Variants in LRP1B observed in about 807,000 individuals in gnomAD.
LRP1B encodes the protein LDL receptor related protein 1B.
LRP1B carries 217 observed loss-of-function variants against 556.6 expected under a neutral mutation model. That is an observed-to-expected ratio of 0.39 (90% CI 0.35 to 0.44). The LOEUF (loss-of-function observed/expected upper bound fraction) is 0.44. Among genes scored for constraint, LRP1B ranks in the 20% least tolerant of loss-of-function variants. LRP1B has a pLI of 1.00. For missense variants in LRP1B, 5,053 were observed against 5,620.8 expected (o/e 0.90, Z 3.23); for synonymous variants, 2,047 against 1,865.8 (o/e 1.10, Z -2.50).
chr2:141,575,541 G>T lies in LRP1B; in HGVS notation c.206-95008C>A, dbSNP rs547580258. 2.6e-5 allele frequency among the ~76,000 whole-genome samples: 4 copies of T among 152,210 alleles called. No individual in the cohort carries two copies. In the South Asian group the frequency reaches 8.3e-4, roughly 32 times the overall value. On this transcript the variant is annotated intron_variant, in intron 2 of 90. Transcript: ENST00000389484. ...AATATCATTCAGGACACAGGCATGGGCAAAGACTTCATGACAAAAATGCCA... is the reference window on the plus strand; with the variant it reads ...AATATCATTCAGGACACAGGCATGGTCAAAGACTTCATGACAAAAATGCCA...
intron 1 of LRP1B, among the ~76,000 whole-genome samples, chr2:142,079,346 C>G (rs13000270): frequency 0.49 from 74,883 of 151,782 alleles, 18,849 homozygotes; most frequent in East Asian, 0.69. Flanking sequence ...TATCTAAATA[C>G]TTAAATATAT....
At chr2:141,627,793 C>T (rs989820927) in intron 2 of LRP1B, among the ~76,000 whole-genome samples, 5 of 151,988 alleles carry the variant, frequency 3.3e-5, no homozygotes, top group East Asian at 3.9e-4. Flanking sequence ...TGGATAATTA[C>T]GCGATACCAA....
intron 22 of LRP1B, among the ~76,000 whole-genome samples, chr2:140,907,461 A>G (rs1022183505): frequency 7.9e-5 from 12 of 152,076 alleles, no homozygotes; most frequent in Admixed American, 2.0e-4. Context: ...CCTTCCTAAA[A>G]ATCAGTTTCT....
intron 1 of LRP1B, among the ~76,000 whole-genome samples, chr2:141,963,771 G>A (rs1050696568): frequency 2.0e-5 from 3 of 146,970 alleles, no homozygotes; most frequent in Non-Finnish European, 3.0e-5. Flanking sequence ...AGGAAATAAA[G>A]GGTATTCAGT....
intron 1 of LRP1B, among the ~76,000 whole-genome samples, chr2:141,902,212 T>G (rs1448611252): frequency 1.3e-5 from 2 of 151,646 alleles, no homozygotes; most frequent in African/African-American, 4.8e-5. Context: ...TAGCATTAGT[T>G]TCTTTCTTCC....
At position 140,535,445 on chromosome 2, in the gene LRP1B, TGGTG is replaced by T. The variant is rs1254753531; in HGVS notation, c.7642+1132_7642+1135del. ...TACATTAGACTCTCATTTTAAACGATGGTGTGTTGTCTTGTAACGTAAAAGAGTG... is the reference window on the plus strand; with the variant it reads ...TACATTAGACTCTCATTTTAAACGATTGTTGTCTTGTAACGTAAAAGAGTG... On this transcript the variant is annotated intron_variant, in intron 46 of 90. Transcript: ENST00000389484. 3.7e-4 allele frequency among the ~76,000 whole-genome samples: 56 copies of T among 152,268 alleles called. No homozygotes were observed. The South Asian group carries it at 0.011, about 30-fold the overall frequency.
intron 47 of LRP1B, among the ~76,000 whole-genome samples, chr2:140,532,416 G>A (rs573394975): frequency 2.0e-5 from 3 of 151,634 alleles, no homozygotes; most frequent in Admixed American, 6.6e-5. Context: ...GGGGGTGGGG[G>A]GTATGGAGTC....
chr2:141,208,981 T>G (rs1682421209), intron 6 of LRP1B, among the ~76,000 whole-genome samples: 1 of 133,374 alleles, frequency 7.5e-6, no homozygotes, highest in Non-Finnish European at 1.6e-5. Context: ...ATTATCAAAA[T>G]AGCACAAAAC....
intron 2 of LRP1B, among the ~76,000 whole-genome samples, chr2:141,487,528 G>A (rs1363581293): frequency 6.6e-6 from 1 of 152,046 alleles, no homozygotes; most frequent in African/African-American, 2.4e-5. Flanking sequence ...GTTCTCAATT[G>A]CTGGTCACAA....
chr2:141,798,858 G>C (rs1408957556), intron 2 of LRP1B, among the ~76,000 whole-genome samples: 1 of 152,020 alleles, frequency 6.6e-6, no homozygotes, highest in African/African-American at 2.4e-5. Flanking sequence ...GGGTTTTAAG[G>C]AGGTAATTAA....
chr2:141,033,386 T>C (rs955617866), intron 11 of LRP1B, among the ~76,000 whole-genome samples: 3 of 152,018 alleles, frequency 2.0e-5, no homozygotes, highest in African/African-American at 4.8e-5. Context: ...TTAACCAGAC[T>C]AGATTTAAAA....
chr2:140,595,704 G>A (rs544185535), intron 43 of LRP1B, among the ~76,000 whole-genome samples: 1 of 151,918 alleles, frequency 6.6e-6, no homozygotes, highest in Non-Finnish European at 1.5e-5. Flanking sequence ...ATTCCCACTA[G>A]TATGCATTAT....
At chr2:140,351,756 A>AAAT (rs749289635) in intron 76 of LRP1B, among the ~76,000 whole-genome samples, 7 of 152,058 alleles carry the variant, frequency 4.6e-5, no homozygotes, top group African/African-American at 1.7e-4. Flanking sequence ...TTCTGCAAAT[A>AAAT]AATAATAATA....
chr2:140,238,326 G>T, intron 88 of LRP1B, 30 bp from the exon 89 acceptor site: 2 of 1,220,410 alleles, frequency 1.6e-6, no homozygotes, highest in Non-Finnish European at 2.3e-6. Context: ...ATATGTGTGA[G>T]TTTTGTATAA....
chr2:140,719,310 A>G (rs1473602518), intron 35 of LRP1B, among the ~76,000 whole-genome samples: 1 of 152,124 alleles, frequency 6.6e-6, no homozygotes, highest in African/African-American at 2.4e-5. Flanking sequence ...ACATGAAGAA[A>G]TGGCTAACAA....
intron 20 of LRP1B, among the ~76,000 whole-genome samples, chr2:140,947,293 C>T (rs1695574620): frequency 6.6e-6 from 1 of 152,122 alleles, no homozygotes; most frequent in African/African-American, 2.4e-5. Flanking sequence ...CCAGTTTCTC[C>T]TCCTCCTTTA....
intron 41 of LRP1B, among the ~76,000 whole-genome samples, chr2:140,682,194 T>C (rs964287087): frequency 6.6e-6 from 1 of 152,358 alleles, no homozygotes; most frequent in East Asian, 1.9e-4. Context: ...GACCATCTAC[T>C]CTGTGAGGCT....
chr2:140,579,699 G>C (rs774372517), intron 43 of LRP1B, among the ~76,000 whole-genome samples: 1 of 151,986 alleles, frequency 6.6e-6, no homozygotes, highest in African/African-American at 2.4e-5. Context: ...AAAATCAGCC[G>C]GGCGTGATAG....
At chr2:141,412,402 T>C (rs1056171986) in intron 3 of LRP1B, among the ~76,000 whole-genome samples, 2 of 152,234 alleles carry the variant, frequency 1.3e-5, no homozygotes, top group African/African-American at 4.8e-5. Context: ...ATTTATTTTA[T>C]ATAAGAATTA....
Sources: allele counts gnomAD v4.1 joint callset (sites outside exome capture counted in the v4.1 genomes callset), GRCh38; gene constraint gnomAD v4.1.1; transcripts MANE v1.5; gene names NCBI Gene and HGNC (gene_info 2026-07-23, HGNC 2026-07-21).